CACNA2D4: variants seen among roughly 807,000 people sequenced by gnomAD.
The protein encoded by CACNA2D4 is voltage-dependent calcium channel subunit alpha-2/delta-4.
Under a neutral mutation model 163.8 loss-of-function variants are expected in CACNA2D4, and 157 were observed. The ratio of observed to expected loss-of-function variants is 0.96; its 90% confidence interval spans 0.84 to 1.09. The LOEUF (loss-of-function observed/expected upper bound fraction) is 1.09. Ranked by LOEUF, CACNA2D4 falls within the 50% of genes least tolerant of loss-of-function variation. The pLI is 0.00. For missense variants in CACNA2D4, 1,410 were observed against 1,479.9 expected (o/e 0.95, Z 0.78); for synonymous variants, 598 against 586.9 (o/e 1.02, Z -0.27).
intron 13 of CACNA2D4, among the ~76,000 whole-genome samples, chr12:1,880,227 G>A (rs537283903): frequency 9.5e-4 from 144 of 152,276 alleles, no homozygotes; most frequent in African/African-American, 2.0e-3. Context: ...GCCCATCTGC[G>A]CCTGCCCAGA....
In CACNA2D4 at chr12:1,827,225, G is replaced by T. The variant is rs528486265; in HGVS notation, c.2551+13514C>A. ...GCTGGCAGCCTGGGCCTCCCATCTGGAAGGAAGTGGAGACCCCAGCACACA... is the reference window on the plus strand; with the variant it reads ...GCTGGCAGCCTGGGCCTCCCATCTGTAAGGAAGTGGAGACCCCAGCACACA... On this transcript the variant is annotated intron_variant, in intron 26 of 37. Transcript: ENST00000382722. Among the ~76,000 whole-genome samples the T allele has an allele frequency of 3.9e-5, 6 of 152,346 alleles. No homozygotes were observed. The South Asian group carries it at 1.2e-3, about 32-fold the overall frequency.
At chr12:1,794,224 A>T (rs10128890) in intron 37 of CACNA2D4, among the ~76,000 whole-genome samples, 66,242 of 152,026 alleles carry the variant, frequency 0.44, 16,611 homozygotes, top group Non-Finnish European at 0.56. Flanking sequence ...GGAAAACTGC[A>T]TTCTAATTCA....
rs1170879622 is a variant in CACNA2D4 at position 1,853,960 on chromosome 12, T to G, written c.2237A>C (p.Asn746Thr). 1 of 1,612,948 alleles carries G rather than the reference T, an allele frequency of 6.2e-7. No individual in the cohort carries two copies. The highest frequency in any genetic ancestry group is 1.7e-5 in the Admixed American group (1 of 59,966). ...MEAYWTALALNMSEESEHVVD... is the reference protein window; with the variant it reads ...MEAYWTALALTMSEESEHVVD... ...GGGAACCTGGACCTACTCGGACATG[T>G]TGAGGGCCAGCGCTGTCCAGTAGGC... The change falls in exon 23 of 38, where the codon AAC (asparagine) becomes ACC (threonine). Residue 746 changes from asparagine to threonine, a missense_variant. Asn to Thr is a moderately conservative substitution (Grantham distance 65, BLOSUM62 0). Coordinates refer to ENST00000382722, the MANE Select transcript of CACNA2D4 (RefSeq NM_172364.5).
At chr12:1,873,516 T>C (rs1476555415) in intron 18 of CACNA2D4, among the ~76,000 whole-genome samples, 2 of 152,180 alleles carry the variant, frequency 1.3e-5, no homozygotes, top group Non-Finnish European at 2.9e-5. Context: ...CTGTATTAGA[T>C]ACAGTATAGC....
At chr12:1,861,082 C>T (rs1005350066) in intron 18 of CACNA2D4, among the ~76,000 whole-genome samples, 2 of 152,352 alleles carry the variant, frequency 1.3e-5, no homozygotes, top group East Asian at 1.9e-4. Flanking sequence ...GGGAAAGCCA[C>T]ATTTTGCAGT....
chr12:1,881,631 C>T (rs966763000), intron 13 of CACNA2D4, among the ~76,000 whole-genome samples: 8 of 152,210 alleles, frequency 5.3e-5, no homozygotes, highest in African/African-American at 7.2e-5. Context: ...AGAAGATCCC[C>T]TCCTGTCCTC....
rs574925845 is a variant in CACNA2D4, at chr12:1,868,719, T to C, written c.1878+5885A>G. On this transcript the variant is annotated intron_variant, in intron 18 of 37. Coordinates refer to ENST00000382722, the MANE Select transcript of CACNA2D4 (RefSeq NM_172364.5). ...AGTCATCCCTTCACTTCACTTTGTA[T>C]ATCAAGATAAGTACAGTTGGTCCTC... Among the ~76,000 whole-genome samples, 5 of 152,242 alleles carry C rather than the reference T, an allele frequency of 3.3e-5. No homozygotes were observed. In the South Asian group the frequency reaches 8.3e-4, roughly 25 times the overall value.
chr12:1,858,494 G>T, intron 20 of CACNA2D4, 83 bp downstream of exon 20: 2 of 1,224,718 alleles, frequency 1.6e-6, no homozygotes, highest in South Asian at 2.6e-5. Context: ...CACTGGCTCT[G>T]GTTGGGGTTG....
chr12:1,882,922 A>G lies in CACNA2D4; in HGVS notation c.1430T>C (p.Met477Thr), dbSNP rs778501555. 2 of 1,613,754 alleles carry G rather than the reference A, an allele frequency of 1.2e-6. No homozygotes were observed. The highest frequency in any genetic ancestry group is 2.2e-5 in the East Asian group (1 of 44,866). ...MEYLHVLSRP[M>T]VINHDHDIIW... ...GATGTCGTGGTCGTGGTTGATGACC[A>G]TGGGGCGGCTGAGCACGTGCAGGTA... Residue 477 changes from methionine to threonine, a missense_variant, in exon 13 of 38, where the codon ATG becomes ACG. Transcript: ENST00000382722.
chr12:1,915,651 T>A (rs551569741), intron 1 of CACNA2D4, among the ~76,000 whole-genome samples: 5 of 152,262 alleles, frequency 3.3e-5, no homozygotes, highest in African/African-American at 9.6e-5. Context: ...CAGGAGGGCA[T>A]AAGGAGGCCA....
chr12:1,813,742 G>A (rs556367694), intron 26 of CACNA2D4, among the ~76,000 whole-genome samples: 7 of 152,210 alleles, frequency 4.6e-5, no homozygotes, highest in Admixed American at 4.6e-4. Context: ...GAGTGCTTTG[G>A]GGGTGTCTTT....
chr12:1,800,029 C>T lies in CACNA2D4; in HGVS notation c.2945G>A (p.Trp982Ter), dbSNP rs1863258770. Residue 982 changes from tryptophan to a stop codon, truncating the protein, a stop_gained, in exon 33 of 38, where the codon TGG becomes TAG. Coordinates refer to ENST00000382722, the MANE Select transcript of CACNA2D4 (RefSeq NM_172364.5). LOFTEE classifies it high-confidence loss of function. ...GGCCCCTCTGTCGTACCAGGAGCCC[C>T]AGACACTCCACTCCAGCAGGAACCT... ...LVLFLLEWSV[W>*]GSWYDRGAEA... 2 of 1,604,734 alleles carry T rather than the reference C, an allele frequency of 1.2e-6. No homozygotes were observed. Among genetic ancestry groups the T allele is most frequent in the Non-Finnish European group, 1.7e-6 (2 of 1,175,874 alleles).
At position 1,847,869 on chromosome 12, in the gene CACNA2D4, T is replaced by A. The variant is rs56284318; in HGVS notation, c.2247-1180A>T. On this transcript the variant is annotated intron_variant, in intron 23 of 37. Transcript: ENST00000382722. Reference sequence around the variant, plus strand: ...ATACAATCAAAATAGAAATAACATTTAAAAAAACTTCGATGCCATTATTAC... The same window carrying A: ...ATACAATCAAAATAGAAATAACATTAAAAAAAACTTCGATGCCATTATTAC... Among the ~76,000 whole-genome samples the A allele has an allele frequency of 6.5e-3, 996 of 152,194 alleles. 4 individuals are homozygous for A. Among genetic ancestry groups the A allele is most frequent in the Non-Finnish European group, 8.7e-3 (593 of 68,022 alleles).
intron 1 of CACNA2D4, among the ~76,000 whole-genome samples, chr12:1,915,499 A>G (rs1182994220): frequency 1.3e-5 from 2 of 152,152 alleles, no homozygotes; most frequent in African/African-American, 2.4e-5. Context: ...GCCTCTCAAT[A>G]AATCGTTCCC....
In CACNA2D4 at chr12:1,885,053, C is replaced by T. The variant is rs370062902; in HGVS notation, c.1092G>A (p.Glu364=). ...CGACCCCCACACCTTTGACCATCAA[C>T]TCCTCCACCAGCAGTTTGAAATGCT... ...NREHFKLLVE[E]LMVKGVGVVD... Residue 364 remains glutamate (E), a synonymous_variant, in exon 10 of 38, where the codon GAG becomes GAA. Transcript: ENST00000382722. 3 of 1,613,978 alleles carry T rather than the reference C, an allele frequency of 1.9e-6. No individual in the cohort carries two copies. Among genetic ancestry groups the T allele is most frequent in the African/African-American group, 2.7e-5 (2 of 75,044 alleles).
chr12:1,889,580 G>GCC (rs143357732), intron 6 of CACNA2D4, among the ~76,000 whole-genome samples: 9 of 151,324 alleles, frequency 5.9e-5, no homozygotes, highest in African/African-American at 2.2e-4. Context: ...TGCCTCAGCC[G>GCC]CCCCCCCCAG....
intron 26 of CACNA2D4, chr12:1,836,333 G>A (rs11061996): frequency 0.45 from 68,028 of 152,390 alleles, 17,309 homozygotes; most frequent in East Asian, 0.95. Context: ...ATGGAATCTC[G>A]ATGGGGGCTC....
chr12:1,907,523 A>G lies in CACNA2D4; in HGVS notation c.698T>C (p.Val233Ala), dbSNP rs201875103. The change falls in exon 6 of 38, where the codon GTC becomes GCC. Residue 233 changes from valine (V) to alanine (A), a missense_variant. Transcript: ENST00000382722. ...GVYMSEALNAVFVENFQRDPT... is the reference protein window; with the variant it reads ...GVYMSEALNAAFVENFQRDPT... ...GTCTCTCTGGAAGTTCTCCACGAAG[A>G]CAGCATTCAAGGCTTCAGACATGTA... 1 of 1,613,656 alleles carries G rather than the reference A, an allele frequency of 6.2e-7. No homozygotes were observed. Among genetic ancestry groups the G allele is most frequent in the East Asian group, 2.2e-5 (1 of 44,890 alleles).
rs527879594 is a variant in CACNA2D4 at position 1,834,374 on chromosome 12, G to A, written c.2551+6365C>T. On this transcript the variant is annotated intron_variant, in intron 26 of 37. Transcript: ENST00000382722. The surrounding 1 kb of genome is among the most constrained non-coding windows in gnomAD (Gnocchi z 7.6). ...CAACTACTGCTCCCAGCTGGAGGAC[G>A]AGAATAGCTCAGCTGGGCTGGATAT... 13 of 1,613,060 alleles carry A rather than the reference G, an allele frequency of 8.1e-6. No individual in the cohort carries two copies. The highest frequency in any genetic ancestry group is 8.5e-6 in the Non-Finnish European group (10 of 1,180,014).
Sources: gnomAD v4.1 joint callset for allele counts (sites outside exome capture counted in the v4.1 genomes callset) on GRCh38, gnomAD v4.1.1 for gene constraint, Gnocchi (gnomAD v3.1) non-coding constraint, MANE v1.5 for transcripts, NCBI Gene and HGNC (gene_info 2026-07-23, HGNC 2026-07-21) for gene names.